TCF7L1: variants seen among roughly 807,000 people sequenced by gnomAD.
TCF7L1 encodes transcription factor 7 like 1.
Under a neutral mutation model 63.7 loss-of-function variants are expected in TCF7L1, and 18 were observed. The ratio of observed to expected loss-of-function variants is 0.28; its 90% CI spans 0.20 to 0.42. The LOEUF (loss-of-function observed/expected upper bound fraction) is 0.42. Ranked by LOEUF, TCF7L1 falls within the 10% of genes least tolerant of loss-of-function variation. TCF7L1 has a pLI of 1.00. For synonymous variants in TCF7L1, 355 were observed against 340.9 expected, an observed-to-expected ratio of 1.04 and a Z score of -0.46; for missense variants, 654 against 779.3, an observed-to-expected ratio of 0.84 and a Z score of 1.91.
intron 3 of TCF7L1, among the ~76,000 whole-genome samples, chr2:85,268,853 A>G (rs1354794394): frequency 1.3e-5 from 2 of 151,792 alleles, no homozygotes; most frequent in Non-Finnish European, 2.9e-5. Context: ...TGTGAGCTGG[A>G]AAGTCAGCGG....
intron 3 of TCF7L1, among the ~76,000 whole-genome samples, chr2:85,141,438 C>G (rs999460082): frequency 6.6e-6 from 1 of 152,142 alleles, no homozygotes; most frequent in African/African-American, 2.4e-5. Context: ...AGTGCCTCCC[C>G]CTCAGCTGGA....
chr2:85,235,729 C>T (rs1331599062), intron 3 of TCF7L1, among the ~76,000 whole-genome samples: 4 of 152,068 alleles, frequency 2.6e-5, no homozygotes, highest in African/African-American at 4.8e-5. Flanking sequence ...TTGGCTACAC[C>T]TTATAAGGGG....
At chr2:85,143,170 A>G (rs987511796) in intron 3 of TCF7L1, among the ~76,000 whole-genome samples, 1 of 152,180 alleles carries the variant, frequency 6.6e-6, no homozygotes, top group African/African-American at 2.4e-5. Flanking sequence ...ATTTTTGGAA[A>G]TATTTTCATT....
chr2:85,145,373 A>C (rs1204406349), intron 3 of TCF7L1, among the ~76,000 whole-genome samples: 1 of 152,230 alleles, frequency 6.6e-6, no homozygotes, highest in Non-Finnish European at 1.5e-5. Context: ...TGATTAAGGA[A>C]CAGATGGATC....
At position 85,133,523 on chromosome 2, in the gene TCF7L1, C is replaced by G. The variant is rs1677503791; in HGVS notation, c.-162C>G. The G allele has an allele frequency of 1.2e-5, 2 of 160,498 alleles. No individual in the cohort carries two copies. The highest frequency in any genetic ancestry group is 4.8e-5 in the African/African-American group (2 of 41,246). 9.9% of individuals were successfully genotyped at this position (160,498 alleles called of 1,614,324 possible). On this transcript the variant is annotated 5_prime_UTR_variant, in exon 1 of 12. Transcript: ENST00000282111. This position sits in a 1 kb window ranked among gnomAD's most constrained non-coding sequence, Gnocchi z 4.4. ...CCGAGCCGCCTGCGCCCCGGCCGGG[C>G]AGCGCCGGGCCCGCTTCCCGCGGGG...
chr2:85,145,762 A>T (rs1284880855), intron 3 of TCF7L1, among the ~76,000 whole-genome samples: 1 of 152,266 alleles, frequency 6.6e-6, no homozygotes, highest in Non-Finnish European at 1.5e-5. Context: ...TGCACTCTAC[A>T]GTGGTAAAGC....
At chr2:85,212,261 C>T (rs1252176454) in intron 3 of TCF7L1, among the ~76,000 whole-genome samples, 1 of 152,098 alleles carries the variant, frequency 6.6e-6, no homozygotes, top group Non-Finnish European at 1.5e-5. Flanking sequence ...CTGAGTGGGG[C>T]TGGGTTCAAA....
Position 85,309,737 on chromosome 2 carries a change from G to A in TCF7L1, c.*275G>A, listed in dbSNP as rs1573038309. On this transcript the variant is annotated 3_prime_UTR_variant, in exon 12 of 12. Transcript: ENST00000282111. ...CGTCCTGTAGGTGCTGTGGTGGATGGACCTGGGCAGAGGGCACTTCTCTCT... is the reference window on the plus strand; with the variant it reads ...CGTCCTGTAGGTGCTGTGGTGGATGAACCTGGGCAGAGGGCACTTCTCTCT... 1.9e-5 allele frequency: 7 copies of A among 370,462 alleles called. No homozygotes were observed. The East Asian group carries it at 2.9e-4, about 15-fold the overall frequency. 22.9% of individuals were successfully genotyped at this position (370,462 alleles called of 1,614,324 possible). A position where few individuals can be genotyped will look rare whatever the true frequency, so the allele number is the denominator to read the frequency against.
chr2:85,176,444 T>A lies in TCF7L1; in HGVS notation c.441+41994T>A, dbSNP rs187000686. The stretch of plus-strand genomic sequence containing the variant: ...TTAGACAGCTCCACTCGTAGGGAAT[T>A]TCTCCCTTATATTTAGCTGTTGTTT... On this transcript the variant is annotated intron_variant, in intron 3 of 11. Transcript: ENST00000282111. 1.5e-4 allele frequency among the ~76,000 whole-genome samples: 23 copies of A among 152,222 alleles called. No homozygotes were observed. In the East Asian group the frequency reaches 4.4e-3, roughly 29 times the overall value.
chr2:85,229,414 G>C (rs924682663), intron 3 of TCF7L1, among the ~76,000 whole-genome samples: 3 of 152,182 alleles, frequency 2.0e-5, no homozygotes, highest in African/African-American at 7.2e-5. Context: ...CTATTGAAAA[G>C]GTGTCCTATA....
At chr2:85,237,287 GGATGCAGTGGTGCAAT>G (rs1218849936) in intron 3 of TCF7L1, among the ~76,000 whole-genome samples, 4 of 152,150 alleles carry the variant, frequency 2.6e-5, no homozygotes, top group African/African-American at 4.8e-5. Flanking sequence ...GGACTGAGAA[GGATGCAGTGGTGCAAT>G]CACAGCTCAC....
chr2:85,155,469 T>C (rs1678123473), intron 3 of TCF7L1, among the ~76,000 whole-genome samples: 1 of 152,188 alleles, frequency 6.6e-6, no homozygotes. Flanking sequence ...GCTTCATTCT[T>C]GAAGTCAGCG....
intron 3 of TCF7L1, among the ~76,000 whole-genome samples, chr2:85,252,439 A>G (rs148412484): frequency 1.4e-4 from 22 of 152,274 alleles, no homozygotes; most frequent in African/African-American, 5.3e-4. Flanking sequence ...AGCATTTGCT[A>G]TCACTCTACT....
At chr2:85,241,446 T>TG (rs1558643545) in intron 3 of TCF7L1, among the ~76,000 whole-genome samples, 7 of 140,202 alleles carry the variant, frequency 5.0e-5, no homozygotes, top group African/African-American at 1.6e-4. Context: ...TGTTTTTTTT[T>TG]TTTTTTTTTT....
intron 3 of TCF7L1, among the ~76,000 whole-genome samples, chr2:85,271,256 G>A (rs1240035864): frequency 6.6e-6 from 1 of 152,042 alleles, no homozygotes; most frequent in Non-Finnish European, 1.5e-5. Flanking sequence ...AGGATTACAG[G>A]CACCCGCCAC....
At chr2:85,255,622 C>G (rs908108080) in intron 3 of TCF7L1, among the ~76,000 whole-genome samples, 4 of 152,192 alleles carry the variant, frequency 2.6e-5, no homozygotes, top group African/African-American at 9.7e-5. Flanking sequence ...GCTGGGTCTG[C>G]GAGGCCTGCC....
chr2:85,252,530 G>A (rs1197790372), intron 3 of TCF7L1, among the ~76,000 whole-genome samples: 1 of 152,174 alleles, frequency 6.6e-6, no homozygotes, highest in Non-Finnish European at 1.5e-5. Flanking sequence ...CCCTTCCCTG[G>A]GAGTTTGGGG....
intron 4 of TCF7L1, among the ~76,000 whole-genome samples, chr2:85,298,281 G>A (rs1353760899): frequency 6.6e-6 from 1 of 150,640 alleles, no homozygotes; most frequent in Non-Finnish European, 1.5e-5. Flanking sequence ...TCACGAGGTC[G>A]AGAGATCGAG....
rs558338094 is a variant in TCF7L1, at chr2:85,144,601, C to A, written c.441+10151C>A. 4.7e-5 allele frequency among the ~76,000 whole-genome samples: 7 copies of A among 149,138 alleles called. No homozygotes were observed. The South Asian group carries it at 1.5e-3, about 32-fold the overall frequency. ...TGGGTGACAGAGTAAGACCCTGTCT[C>A]AAAAAAAAAATTTTTTTTGAACAAT... On this transcript the variant is annotated intron_variant, in intron 3 of 11. Transcript: ENST00000282111.
Sources: gnomAD v4.1 joint callset for allele counts (sites outside exome capture counted in the v4.1 genomes callset) on GRCh38, gnomAD v4.1.1 for gene constraint, Gnocchi (gnomAD v3.1) non-coding constraint, MANE v1.5 for transcripts, NCBI Gene and HGNC (gene_info 2026-07-23, HGNC 2026-07-21) for gene names.